Variants in RBAK observed in about 807,000 individuals in gnomAD.
RBAK encodes RB associated KRAB zinc finger.
A neutral mutation model predicts 65.8 loss-of-function variants in RBAK; 39 were observed. That is an observed-to-expected ratio of 0.59 (90% CI 0.46 to 0.77). RBAK has a LOEUF of 0.77. Ranked by LOEUF, RBAK falls within the 30% of genes least tolerant of loss-of-function variation. RBAK has a pLI of 0.00. For missense variants in RBAK, 884 were observed against 855.1 expected, an observed-to-expected ratio of 1.03 and a Z score of -0.42; for synonymous variants, 343 against 289.7, an observed-to-expected ratio of 1.18 and a Z score of -1.87.
chr7:5,054,784 G>T (rs1470865248), intron 2 of RBAK, among the ~76,000 whole-genome samples: 1 of 151,996 alleles, frequency 6.6e-6, no homozygotes, highest in Non-Finnish European at 1.5e-5. Context: ...AGCTGTTTTT[G>T]ATTTTCTTCC....
At chr7:5,061,490 C>T (rs556967842) in intron 4 of RBAK, among the ~76,000 whole-genome samples, 1 of 143,024 alleles carries the variant, frequency 7.0e-6, no homozygotes, top group South Asian at 2.2e-4. Flanking sequence ...CAGGGTTTTG[C>T]ATGTTGCCCA....
At chr7:5,054,634 A>C (rs1352933405) in intron 2 of RBAK, among the ~76,000 whole-genome samples, 2 of 151,688 alleles carry the variant, frequency 1.3e-5, no homozygotes, top group African/African-American at 4.8e-5. Flanking sequence ...GGGTCTTGCT[A>C]TGTTGCCAAG....
In RBAK at chr7:5,064,332, T is replaced by C. The variant is rs760323175; in HGVS notation, c.876T>C (p.Asn292=). Residue 292 remains asparagine, a synonymous_variant, in exon 5 of 5, where the codon AAT becomes AAC. Coordinates refer to ENST00000396912, the MANE Select transcript of RBAK (RefSeq NM_021163.4). This position sits in a 1 kb window ranked among gnomAD's most constrained non-coding sequence, Gnocchi z 6.3. ...CAGGAGAGAAACCTTATGAATGTAA[T>C]GTATGTGGGAAATCCTTCAGCCAAA... ...AHTGEKPYEC[N]VCGKSFSQKG... is the part of the protein sequence containing the mutation. The C allele has an allele frequency of 1.9e-6, 3 of 1,614,060 alleles. No individual in the cohort carries two copies. The highest frequency in any genetic ancestry group is 2.5e-6 in the Non-Finnish European group (3 of 1,179,994).
At position 5,046,357 on chromosome 7, in the gene RBAK, C is replaced by T. The variant is rs1208874542; in HGVS notation, c.-84C>T. ...AGCGACAGCAGCCCCGCCCCGGCCT[C>T]TCGGGAGCCGTGGGGCAGAGGCTGC... On this transcript the variant is annotated 5_prime_UTR_variant, in exon 1 of 5. Transcript: ENST00000396912. 3.9e-6 allele frequency: 2 copies of T among 515,970 alleles called. No individual in the cohort carries two copies. Among genetic ancestry groups the T allele is most frequent in the Non-Finnish European group, 7.7e-6 (2 of 259,354 alleles). 32.0% of individuals were successfully genotyped at this position (515,970 alleles called of 1,614,324 possible).
chr7:5,049,146 A>G (rs1459412910), intron 2 of RBAK, among the ~76,000 whole-genome samples: 1 of 152,220 alleles, frequency 6.6e-6, no homozygotes, highest in African/African-American at 2.4e-5. Flanking sequence ...TCTTCATTCA[A>G]GTTGATATAA....
chr7:5,047,702 C>G (rs1788025412), intron 1 of RBAK, among the ~76,000 whole-genome samples: 1 of 142,452 alleles, frequency 7.0e-6, no homozygotes, highest in Non-Finnish European at 1.5e-5. Context: ...CTCCCAGGTT[C>G]AAAGGATTCT....
chr7:5,061,767 G>A (rs1465650074), intron 4 of RBAK, among the ~76,000 whole-genome samples: 2 of 151,728 alleles, frequency 1.3e-5, no homozygotes, highest in East Asian at 2.0e-4. Flanking sequence ...GTGCGGTGGC[G>A]TGTGCCTGTA....
chr7:5,063,124 T>G (rs1162956640), intron 4 of RBAK, among the ~76,000 whole-genome samples: 1 of 152,204 alleles, frequency 6.6e-6, no homozygotes, highest in Non-Finnish European at 1.5e-5. Context: ...CGTGAAATCT[T>G]CACAATTTAT....
Position 5,068,968 on chromosome 7 carries a change from A to G in RBAK, c.*3367A>G, listed in dbSNP as rs888840279. The G allele has an allele frequency of 1.3e-5, 2 of 152,230 alleles. No homozygotes were observed. The highest frequency in any genetic ancestry group is 3.8e-4 in the East Asian group (2 of 5,204). The allele number at this position is 152,230 out of a possible 1,614,324, so 9.4% of individuals were successfully genotyped here. A position where few individuals can be genotyped will look rare whatever the true frequency, so the allele number is the denominator to read the frequency against. ...TTCTATATAAATTATAAAGACGGGC[A>G]AAACTTGTATACGTGGTTTAAAATT... On this transcript the variant is annotated 3_prime_UTR_variant, in exon 5 of 5. Coordinates refer to ENST00000396912, the MANE Select transcript of RBAK (RefSeq NM_021163.4).
At position 5,064,616 on chromosome 7, in the gene RBAK, C is replaced by T. The variant is rs143669653; in HGVS notation, c.1160C>T (p.Ala387Val). ...ECGKSFSRKS[A>V]LSDHQRTHTG... ...GGGAAATCCTTCTCCCGCAAGTCTG[C>T]TCTCAGTGACCATCAGAGAACTCAC... The change falls in exon 5 of 5, where the codon GCT becomes GTT. Residue 387 changes from alanine to valine, a missense_variant. By Grantham distance (64) the Ala-to-Val change is moderately conservative. Transcript: ENST00000396912. The surrounding 1 kb of genome is among the most constrained non-coding windows in gnomAD (Gnocchi z 6.3). 2 of 1,613,640 alleles carry T rather than the reference C, an allele frequency of 1.2e-6. No homozygotes were observed. The highest frequency in any genetic ancestry group is 1.3e-5 in the African/African-American group (1 of 74,884).
rs779339351 is a variant in RBAK at position 5,065,531 on chromosome 7, C to T, written c.2075C>T (p.Ser692Leu). The T allele has an allele frequency of 2.5e-6, 4 of 1,601,100 alleles. No homozygotes were observed. In the Admixed American group the frequency reaches 6.9e-5, roughly 28 times the overall value. Residue 692 changes from serine to leucine, a missense_variant, in exon 5 of 5, where the codon TCA (serine) becomes TTA (leucine). Physicochemically the swap from Ser to Leu is moderately radical, Grantham distance 145 (BLOSUM62 -2). Transcript: ENST00000396912. The surrounding 1 kb of genome is among the most constrained non-coding windows in gnomAD (Gnocchi z 5.3). ...TGTGGGAAAAAATTCCACCACAGAT[C>T]AGCCTTCAATAGCCATCAGAGAATT... ...NECGKKFHHRSAFNSHQRIHR... is the reference protein window; with the variant it reads ...NECGKKFHHRLAFNSHQRIHR...
chr7:5,063,058 A>C (rs1235645109), intron 4 of RBAK, among the ~76,000 whole-genome samples: 1 of 152,186 alleles, frequency 6.6e-6, no homozygotes, highest in Admixed American at 6.5e-5. Context: ...AAGAGATTAA[A>C]GTAAAGACAG....
chr7:5,056,562 A>T (rs1788236999), intron 2 of RBAK, among the ~76,000 whole-genome samples: 1 of 152,182 alleles, frequency 6.6e-6, no homozygotes, highest in African/African-American at 2.4e-5. Context: ...GCCTAATCTG[A>T]TGGCATAAAA....
In RBAK at chr7:5,067,151, C is replaced by CATT. The variant is rs1488588909; in HGVS notation, c.*1550_*1551insATT. On this transcript the variant is annotated 3_prime_UTR_variant, in exon 5 of 5. Coordinates refer to ENST00000396912, the MANE Select transcript of RBAK (RefSeq NM_021163.4). ...TATAAAAATAAGACAAGGATATCTGCTGTCAATGATTTTATTCGGCATTGT... is the reference window on the plus strand; with the variant it reads ...TATAAAAATAAGACAAGGATATCTGCATTTGTCAATGATTTTATTCGGCATTGT... 6.6e-6 allele frequency: 1 copy of CATT among 152,104 alleles called. No individual in the cohort carries two copies. Among genetic ancestry groups the CATT allele is most frequent in the Admixed American group, 6.6e-5 (1 of 15,266 alleles). The allele number at this position is 152,104 out of a possible 1,614,324, so 9.4% of individuals were successfully genotyped here.
rs774095753 is a variant in RBAK at position 5,064,637 on chromosome 7, C to G, written c.1181C>G (p.Thr394Ser). The G allele has an allele frequency of 6.2e-7, 1 of 1,613,574 alleles. No homozygotes were observed. Among genetic ancestry groups the G allele is most frequent in the South Asian group, 1.1e-5 (1 of 91,018 alleles). ...RKSALSDHQR[T>S]HTGEKLYKCN... ...TCTGCTCTCAGTGACCATCAGAGAA[C>G]TCACACGGGAGAGAAGCTTTATAAA... Residue 394 changes from threonine to serine, a missense_variant, in exon 5 of 5, where the codon ACT becomes AGT. Coordinates refer to ENST00000396912, the MANE Select transcript of RBAK (RefSeq NM_021163.4). The surrounding 1 kb of genome is among the most constrained non-coding windows in gnomAD (Gnocchi z 6.3).
chr7:5,046,412 T>G lies in RBAK; in HGVS notation c.-45+16T>G, dbSNP rs1481716141. 2 of 514,078 alleles carry G rather than the reference T, an allele frequency of 3.9e-6. No individual in the cohort carries two copies. Among genetic ancestry groups the G allele is most frequent in the South Asian group, 1.4e-5 (1 of 71,178 alleles). The allele number at this position is 514,078 out of a possible 1,614,324, so 31.8% of individuals were successfully genotyped here. A position where few individuals can be genotyped will look rare whatever the true frequency, so the allele number is the denominator to read the frequency against. On this transcript the variant is annotated intron_variant, in intron 1 of 4. Coordinates refer to ENST00000396912, the MANE Select transcript of RBAK (RefSeq NM_021163.4). Reference sequence around the variant, plus strand: ...CCCCAGAAGGGTAGGTCTTGGGTTTTCGGGCCCGGAGCGAGAAGGGCCTGA... The same window carrying G: ...CCCCAGAAGGGTAGGTCTTGGGTTTGCGGGCCCGGAGCGAGAAGGGCCTGA...
chr7:5,052,410 ATCT>A (rs1444555713), intron 2 of RBAK, among the ~76,000 whole-genome samples: 1 of 152,042 alleles, frequency 6.6e-6, no homozygotes, highest in African/African-American at 2.4e-5. Context: ...TTTTAGTCTC[ATCT>A]TCTTTGTTTC....
chr7:5,062,381 C>T (rs889993736), intron 4 of RBAK, among the ~76,000 whole-genome samples: 1 of 152,152 alleles, frequency 6.6e-6, no homozygotes, highest in Non-Finnish European at 1.5e-5. Context: ...TGATGCTCCA[C>T]AAGCTGCAAA....
Position 5,065,319 on chromosome 7 carries a change from A to G in RBAK, c.1863A>G (p.Lys621=), listed in dbSNP as rs1475558014. ...TIHHRIHSGE[K]PYECSKCGKV... Reference sequence around the variant, plus strand: ...ATCATCGAATTCATTCAGGAGAGAAACCCTATGAATGTAGTAAATGTGGAA... The same window carrying G: ...ATCATCGAATTCATTCAGGAGAGAAGCCCTATGAATGTAGTAAATGTGGAA... The change falls in exon 5 of 5, where the codon AAA becomes AAG. Residue 621 remains lysine, a synonymous_variant. Transcript: ENST00000396912. The surrounding 1 kb of genome is among the most constrained non-coding windows in gnomAD (Gnocchi z 5.3). 5 of 1,613,852 alleles carry G rather than the reference A, an allele frequency of 3.1e-6. No homozygotes were observed. Among genetic ancestry groups the G allele is most frequent in the Non-Finnish European group, 4.2e-6 (5 of 1,179,922 alleles).
Sources: allele counts gnomAD v4.1 joint callset (sites outside exome capture counted in the v4.1 genomes callset), GRCh38; gene constraint gnomAD v4.1.1; non-coding constraint Gnocchi (gnomAD v3.1); transcripts MANE v1.5; gene names NCBI Gene and HGNC (gene_info 2026-07-23, HGNC 2026-07-21).